The following FBXW8 variants were observed in gnomAD, a reference collection of about 807,000 sequenced individuals.
The protein encoded by FBXW8 is F-box/WD repeat-containing protein 8.
A neutral mutation model predicts 65.3 loss-of-function variants in FBXW8; 57 were observed. The ratio of observed to expected loss-of-function variants is 0.87; its 90% confidence interval spans 0.71 to 1.09. FBXW8 has a LOEUF of 1.09. Ranked by LOEUF, FBXW8 falls within the 50% of genes least tolerant of loss-of-function variation. The pLI, the probability that FBXW8 is intolerant of heterozygous loss-of-function variation, is 0.00. For synonymous variants in FBXW8, 308 were observed against 330.2 expected (o/e 0.93, Z 0.73); for missense variants, 777 against 814.8 (o/e 0.95, Z 0.57).
chr12:116,974,590 C>T (rs916408389), intron 5 of FBXW8, among the ~76,000 whole-genome samples: 1 of 152,168 alleles, frequency 6.6e-6, no homozygotes, highest in Non-Finnish European at 1.5e-5. Context: ...CAAAAGCTAG[C>T]AACCAGCAAT....
At chr12:116,983,473 A>G (rs1467249045) in intron 5 of FBXW8, among the ~76,000 whole-genome samples, 2 of 152,204 alleles carry the variant, frequency 1.3e-5, no homozygotes, top group African/African-American at 4.8e-5. Flanking sequence ...TTGCTTCCTT[A>G]GCCTACTGAC....
At chr12:117,000,605 C>T (rs1411974904) in intron 7 of FBXW8, among the ~76,000 whole-genome samples, 1 of 152,242 alleles carries the variant, frequency 6.6e-6, no homozygotes, top group Admixed American at 6.5e-5. Context: ...TGGGACCACA[C>T]TTTGAGCACC....
At chr12:116,997,879 C>T (rs1953415349) in intron 7 of FBXW8, among the ~76,000 whole-genome samples, 1 of 152,144 alleles carries the variant, frequency 6.6e-6, no homozygotes, top group South Asian at 2.1e-4. Context: ...GCAGTGGCGC[C>T]ATCTCAGCTC....
intron 3 of FBXW8, among the ~76,000 whole-genome samples, chr12:116,945,867 A>C (rs1348657573): frequency 1.3e-5 from 2 of 152,230 alleles, no homozygotes; most frequent in Non-Finnish European, 2.9e-5. Context: ...GGACCCAGAA[A>C]GCAAAAGCAC....
Position 116,945,494 on chromosome 12 carries a change from G to A in FBXW8, c.554G>A (p.Arg185Gln), listed in dbSNP as rs1032919047. 9.9e-6 allele frequency: 16 copies of A among 1,613,972 alleles called. No homozygotes were observed. Among genetic ancestry groups the A allele is most frequent in the African/African-American group, 5.3e-5 (4 of 74,928 alleles). The change falls in exon 3 of 11, where the codon CGA becomes CAA. Residue 185 changes from arginine to glutamine, a missense_variant. Coordinates refer to ENST00000652555, the MANE Select transcript of FBXW8 (RefSeq NM_153348.3). ...SCWKLIFQEC[R>Q]AKEHMLRTNW... ...TGGAAGCTCATCTTCCAAGAGTGCC[G>A]AGCCAAGGAACACATGTTACGAACC...
At chr12:116,970,784 G>C (rs1040513703) in intron 5 of FBXW8, among the ~76,000 whole-genome samples, 12 of 152,102 alleles carry the variant, frequency 7.9e-5, no homozygotes, top group Non-Finnish European at 1.3e-4. Context: ...GAAGGCTAAG[G>C]CAATTGATGG....
chr12:116,930,520 T>A (rs1419551151), intron 2 of FBXW8, among the ~76,000 whole-genome samples: 1 of 152,226 alleles, frequency 6.6e-6, no homozygotes, highest in African/African-American at 2.4e-5. Flanking sequence ...GTTGTTTGAG[T>A]TCCTTATGTA....
At chr12:116,958,502 A>G (rs1010223983) in intron 4 of FBXW8, among the ~76,000 whole-genome samples, 5 of 152,220 alleles carry the variant, frequency 3.3e-5, no homozygotes, top group African/African-American at 1.2e-4. Flanking sequence ...GGTTTAAGTC[A>G]GTAGATTCAT....
intron 5 of FBXW8, chr12:116,979,269 T>G (rs568400728): frequency 1.3e-5 from 2 of 152,360 alleles, no homozygotes; most frequent in African/African-American, 4.8e-5. Flanking sequence ...ATTACCACAC[T>G]CTGGCTGGCC....
chr12:117,016,764 C>T (rs754495862), intron 8 of FBXW8, among the ~76,000 whole-genome samples: 5 of 151,918 alleles, frequency 3.3e-5, no homozygotes, highest in Non-Finnish European at 7.4e-5. Flanking sequence ...ATAGTTTTGG[C>T]TCTTACACTG....
chr12:116,996,848 C>T (rs1351235590), intron 7 of FBXW8, among the ~76,000 whole-genome samples: 1 of 152,080 alleles, frequency 6.6e-6, no homozygotes, highest in Non-Finnish European at 1.5e-5. Flanking sequence ...GCACTGGAAA[C>T]ATAGAGATGA....
At chr12:116,964,122 G>A (rs1884161682) in intron 4 of FBXW8, among the ~76,000 whole-genome samples, 1 of 152,208 alleles carries the variant, frequency 6.6e-6, no homozygotes, top group Non-Finnish European at 1.5e-5. Flanking sequence ...CGCGCATTCA[G>A]CAAGAGCTTT....
intron 5 of FBXW8, among the ~76,000 whole-genome samples, chr12:116,971,598 G>C (rs1348363331): frequency 6.6e-6 from 1 of 152,146 alleles, no homozygotes. Context: ...GCTCTGGGTA[G>C]AATCTGTGTT....
intron 4 of FBXW8, among the ~76,000 whole-genome samples, chr12:116,960,378 G>A (rs1026408967): frequency 1.3e-5 from 2 of 152,136 alleles, no homozygotes; most frequent in Non-Finnish European, 2.9e-5. Context: ...AGCATATTTA[G>A]TCTCAGTTCC....
chr12:116,959,996 A>G (rs902868674), intron 4 of FBXW8, among the ~76,000 whole-genome samples: 3 of 152,206 alleles, frequency 2.0e-5, no homozygotes, highest in African/African-American at 7.2e-5. Flanking sequence ...CTAATTAGAG[A>G]GCCATCAACA....
intron 5 of FBXW8, among the ~76,000 whole-genome samples, chr12:116,975,355 A>C (rs78108862): frequency 1.3e-5 from 2 of 152,226 alleles, no homozygotes; most frequent in African/African-American, 4.8e-5. Context: ...GGCAGATTCT[A>C]TGTCTGGCGA....
At chr12:116,955,853 A>G (rs113569979) in intron 4 of FBXW8, among the ~76,000 whole-genome samples, 8,236 of 152,278 alleles carry the variant, frequency 0.054, 296 homozygotes, top group Middle Eastern at 0.092. Context: ...GTCGTTTGCC[A>G]TAAGTAGTGA....
chr12:116,980,625 TA>T (rs200922326), intron 5 of FBXW8, among the ~76,000 whole-genome samples: 7 of 151,384 alleles, frequency 4.6e-5, no homozygotes, highest in South Asian at 2.1e-4. Flanking sequence ...ATATCAGATT[TA>T]AAAAAAAATA....
intron 4 of FBXW8, among the ~76,000 whole-genome samples, chr12:116,963,415 G>T (rs913582436): frequency 6.6e-6 from 1 of 152,002 alleles, no homozygotes; most frequent in Non-Finnish European, 1.5e-5. Context: ...AAGACCAGCT[G>T]GGGGAAAACC....
Sources: allele counts gnomAD v4.1 joint callset (sites outside exome capture counted in the v4.1 genomes callset), GRCh38; gene constraint gnomAD v4.1.1; transcripts MANE v1.5; gene names NCBI Gene and HGNC (gene_info 2026-07-23, HGNC 2026-07-21).